The following CGGBP1 variants were observed in gnomAD, a reference collection of about 807,000 sequenced individuals.
The protein encoded by CGGBP1 is CGG triplet repeat-binding protein 1.
In CGGBP1, 4 loss-of-function variants were observed where a neutral mutation model predicts 11.4. The ratio of observed to expected loss-of-function variants is 0.35; its 90% CI spans 0.17 to 0.80. The LOEUF (loss-of-function observed/expected upper bound fraction) is 0.80, where lower values mean the gene tolerates loss of function less well. Among genes scored for constraint, CGGBP1 ranks in the 30% least tolerant of loss-of-function variants. The probability of loss-of-function intolerance (pLI) is 0.52; values close to 1 mark genes in which losing one functional copy is unlikely to be tolerated. For missense variants in CGGBP1, 135 were observed against 202.1 expected, an observed-to-expected ratio of 0.67 and a Z score of 2.01; for synonymous variants, 76 against 74.1, an observed-to-expected ratio of 1.03 and a Z score of -0.13.
chr3:88,137,662 G>A (rs1030013114), intron 2 of CGGBP1, among the ~76,000 whole-genome samples: 4 of 152,076 alleles, frequency 2.6e-5, no homozygotes, highest in Non-Finnish European at 4.4e-5. Context: ...CAGGATAAGT[G>A]GGGAGAAAAA....
chr3:88,076,367 T>A (rs1707800755), intron 2 of CGGBP1, among the ~76,000 whole-genome samples: 1 of 152,176 alleles, frequency 6.6e-6, no homozygotes, highest in Admixed American at 6.5e-5. Flanking sequence ...GTAACATCTA[T>A]AATTTTTTTT....
intron 2 of CGGBP1, among the ~76,000 whole-genome samples, chr3:88,123,594 C>A (rs1446663551): frequency 6.6e-6 from 1 of 152,118 alleles, no homozygotes; most frequent in Non-Finnish European, 1.5e-5. Context: ...TCCTAGGAAT[C>A]TGTTTTTTAA....
intron 2 of CGGBP1, among the ~76,000 whole-genome samples, chr3:88,070,790 T>G (rs565067115): frequency 3.3e-5 from 5 of 152,144 alleles, no homozygotes; most frequent in African/African-American, 4.8e-5. Flanking sequence ...AAGTACTGTT[T>G]TTATCGTCAT....
chr3:88,116,067 A>G lies in CGGBP1; in HGVS notation c.-229+24903T>C, dbSNP rs113486485. Among the ~76,000 whole-genome samples the G allele has an allele frequency of 8.7e-3, 1,317 of 152,234 alleles. 17 individuals carry two copies. The highest frequency in any genetic ancestry group is 0.03 in the African/African-American group (1,245 of 41,550). ...CTGGTATCCAGTCATGTCCCCCTCT[A>G]TCCCCTGCTTGTAACAACAAGGGCT... On this transcript the variant is annotated intron_variant, in intron 2 of 3. Transcript: ENST00000462901.
chr3:88,056,148 C>G, intron 3 of CGGBP1, 149 bp from the exon 4 acceptor site: 1 of 588,030 alleles, frequency 1.7e-6, no homozygotes, highest in Non-Finnish European at 2.8e-6. Flanking sequence ...TCTTAACTTA[C>G]CTGAAATATA....
At chr3:88,116,559 T>TACACACACACACACAC (rs140401038) in intron 2 of CGGBP1, among the ~76,000 whole-genome samples, 155 of 146,652 alleles carry the variant, frequency 1.1e-3, no homozygotes, top group Middle Eastern at 7.0e-3. Flanking sequence ...CATACATATA[T>TACACACACACACACAC]ATACACACAC....
chr3:88,084,554 T>C (rs1405097812), intron 2 of CGGBP1, among the ~76,000 whole-genome samples: 1 of 152,196 alleles, frequency 6.6e-6, no homozygotes, highest in Non-Finnish European at 1.5e-5. Flanking sequence ...AGATACAAGT[T>C]CAGAGACAAT....
At chr3:88,129,359 A>C (rs1168427229) in intron 2 of CGGBP1, among the ~76,000 whole-genome samples, 2 of 145,978 alleles carry the variant, frequency 1.4e-5, no homozygotes, top group African/African-American at 5.0e-5. Flanking sequence ...AAGAAGCATT[A>C]TGATCTTGCC....
At chr3:88,147,018 A>C (rs1652256682) in intron 1 of CGGBP1, among the ~76,000 whole-genome samples, 1 of 152,186 alleles carries the variant, frequency 6.6e-6, no homozygotes, top group African/African-American at 2.4e-5. Context: ...CAACGAAAGT[A>C]ATCCTGTTCT....
chr3:88,141,562 G>T, intron 1 of CGGBP1: 3 of 1,021,944 alleles, frequency 2.9e-6, no homozygotes, highest in South Asian at 2.1e-5. Flanking sequence ...AAATGACAGG[G>T]TATAAATTAA....
At chr3:88,084,109 A>T (rs1708222855) in intron 2 of CGGBP1, among the ~76,000 whole-genome samples, 2 of 152,138 alleles carry the variant, frequency 1.3e-5, no homozygotes, top group African/African-American at 2.4e-5. Context: ...AGCAAACCTA[A>T]TGGAGGTGTT....
At chr3:88,090,793 A>G (rs1345771419) in intron 2 of CGGBP1, among the ~76,000 whole-genome samples, 3 of 152,148 alleles carry the variant, frequency 2.0e-5, no homozygotes, top group Non-Finnish European at 4.4e-5. Context: ...CCCTGGCCAC[A>G]TTGGAAGAAT....
chr3:88,126,239 C>G, intron 2 of CGGBP1: 1 of 1,525,118 alleles, frequency 6.6e-7, no homozygotes, highest in Non-Finnish European at 8.8e-7. Context: ...GCAAGCTGTC[C>G]TTAAAGCTCA....
upstream of CGGBP1, among the ~76,000 whole-genome samples, chr3:88,059,755 G>A (rs1706742609): frequency 6.6e-6 from 1 of 152,068 alleles, no homozygotes; most frequent in South Asian, 2.1e-4. Context: ...TGGAAAGAAG[G>A]AAGGTCGGCT....
upstream of CGGBP1, chr3:88,059,285 G>T (rs1243728283): frequency 7.2e-6 from 11 of 1,532,136 alleles, no homozygotes; most frequent in Non-Finnish European, 9.6e-6. Flanking sequence ...CGGCGGCGGC[G>T]CAGGGGCTGG....
chr3:88,055,765 T>C lies in CGGBP1; in HGVS notation c.212A>G (p.Lys71Arg), dbSNP rs1401489177. 6.2e-7 allele frequency: 1 copy of C among 1,614,232 alleles called. No homozygotes were observed. Among genetic ancestry groups the C allele is most frequent in the Non-Finnish European group, 8.5e-7 (1 of 1,180,032 alleles). ...CACATTCTGCTCTTCAAATTCTGCC[T>C]TCCTCTTGGTATGAGTCTTTGACTT... ...HLKSKTHTKRKAEFEEQNVRK... is the reference protein window; with the variant it reads ...HLKSKTHTKRRAEFEEQNVRK... Residue 71 changes from lysine to arginine, a missense_variant, in exon 4 of 4, where the codon AAG becomes AGG. Coordinates refer to ENST00000482016, the MANE Select transcript of CGGBP1 (RefSeq NM_001008390.2). This position sits in a 1 kb window ranked among gnomAD's most constrained non-coding sequence, Gnocchi z 4.2.
intron 2 of CGGBP1, among the ~76,000 whole-genome samples, chr3:88,067,599 G>T (rs767029044): frequency 1.1e-4 from 16 of 152,212 alleles, no homozygotes; most frequent in South Asian, 2.1e-4. Flanking sequence ...GAAACCCAGA[G>T]AACTGTGGTG....
intron 2 of CGGBP1, among the ~76,000 whole-genome samples, chr3:88,085,229 T>A (rs1576235459): frequency 6.6e-6 from 1 of 152,316 alleles, no homozygotes; most frequent in African/African-American, 2.4e-5. Context: ...AACTTTTTTC[T>A]GTAAAAGGAC....
At chr3:88,083,738 T>C (rs1466972746) in intron 2 of CGGBP1, among the ~76,000 whole-genome samples, 2 of 152,136 alleles carry the variant, frequency 1.3e-5, no homozygotes, top group Non-Finnish European at 2.9e-5. Context: ...CTATTCTTAT[T>C]TGTTTTAGCA....
Sources: gnomAD v4.1 joint callset for allele counts (sites outside exome capture counted in the v4.1 genomes callset) on GRCh38, gnomAD v4.1.1 for gene constraint, Gnocchi (gnomAD v3.1) non-coding constraint, MANE v1.5 for transcripts, NCBI Gene and HGNC (gene_info 2026-07-23, HGNC 2026-07-21) for gene names.